CCDC91: variants seen among roughly 807,000 people sequenced by gnomAD.
CCDC91 encodes coiled-coil domain-containing protein 91.
A neutral mutation model predicts 63.2 loss-of-function variants in CCDC91; 48 were observed. That is an observed-to-expected ratio of 0.76 (90% CI 0.60 to 0.97). The LOEUF (loss-of-function observed/expected upper bound fraction) is 0.97, where lower values mean the gene tolerates loss of function less well. Among genes scored for constraint, CCDC91 ranks in the 50% least tolerant of loss-of-function variants. The pLI, the probability that CCDC91 is intolerant of heterozygous loss-of-function variation, is 0.00. For synonymous variants in CCDC91, 167 were observed against 165.8 expected, an observed-to-expected ratio of 1.01 and a Z score of -0.06; for missense variants, 500 against 494.6, an observed-to-expected ratio of 1.01 and a Z score of -0.10.
chr12:28,370,770 T>C (rs749368276), intron 7 of CCDC91, among the ~76,000 whole-genome samples: 9 of 152,124 alleles, frequency 5.9e-5, no homozygotes, highest in Non-Finnish European at 1.3e-4. Flanking sequence ...AGAAAACTTA[T>C]AATCGTGGCA....
chr12:28,252,494 T>G (rs756949794), intron 1 of CCDC91, among the ~76,000 whole-genome samples: 4 of 151,990 alleles, frequency 2.6e-5, no homozygotes, highest in Admixed American at 2.6e-4. Context: ...AAAGAAAATT[T>G]CCTTAATTTT....
intron 8 of CCDC91, among the ~76,000 whole-genome samples, chr12:28,397,353 G>C (rs1047254929): frequency 1.5e-4 from 23 of 152,196 alleles, no homozygotes; most frequent in Non-Finnish European, 3.1e-4. Context: ...TCTTTGAGGA[G>C]CTTAGATGAT....
intron 3 of CCDC91, among the ~76,000 whole-genome samples, chr12:28,290,147 T>A (rs1180216209): frequency 6.6e-6 from 1 of 152,160 alleles, no homozygotes; most frequent in Non-Finnish European, 1.5e-5. Flanking sequence ...AGTCTAAGGC[T>A]CTTTGAAGGT....
At chr12:28,479,436 G>T (rs1412991642) in intron 11 of CCDC91, among the ~76,000 whole-genome samples, 1 of 152,000 alleles carries the variant, frequency 6.6e-6, no homozygotes, top group African/African-American at 2.4e-5. Context: ...GACACATGAT[G>T]GGGATCATCA....
chr12:28,520,587 T>TTG, intron 12 of CCDC91, among the ~76,000 whole-genome samples: 1 of 152,314 alleles, frequency 6.6e-6, no homozygotes, highest in East Asian at 1.9e-4. Flanking sequence ...TAGATCCCAT[T>TTG]TGTCAATTTT....
intron 12 of CCDC91, among the ~76,000 whole-genome samples, chr12:28,542,443 G>A (rs1942695681): frequency 6.6e-6 from 1 of 152,020 alleles, no homozygotes. Flanking sequence ...TAAATAGATA[G>A]ATGTGGAATA....
At chr12:28,256,815 C>A (rs1946490208) in intron 1 of CCDC91, 1 of 158,120 alleles carries the variant, frequency 6.3e-6, no homozygotes, top group Admixed American at 6.5e-5. Flanking sequence ...GGACAGATTT[C>A]CAAAAACTCA....
intron 8 of CCDC91, among the ~76,000 whole-genome samples, chr12:28,405,311 T>A (rs1011238058): frequency 6.6e-6 from 1 of 152,096 alleles, no homozygotes; most frequent in African/African-American, 2.4e-5. Flanking sequence ...GTATTCCAAG[T>A]TTTTTTATCC....
intron 8 of CCDC91, among the ~76,000 whole-genome samples, chr12:28,405,064 G>C (rs533838811): frequency 6.6e-6 from 1 of 150,730 alleles, no homozygotes; most frequent in Admixed American, 6.6e-5. Flanking sequence ...TCTATTTGTT[G>C]CTCTTTTTTT....
At chr12:28,491,861 TTGTGTGTGTG>T (rs35451448) in intron 12 of CCDC91, among the ~76,000 whole-genome samples, 1,811 of 145,244 alleles carry the variant, frequency 0.012, 42 homozygotes, top group African/African-American at 0.043. Flanking sequence ...GTCAAAAATT[TTGTGTGTGTG>T]TGTGTGTGTG....
intron 6 of CCDC91, among the ~76,000 whole-genome samples, chr12:28,315,453 C>A: frequency 6.6e-6 from 1 of 151,980 alleles, no homozygotes; most frequent in Admixed American, 6.6e-5. Context: ...GGCATGAGCA[C>A]CATACCTGAC....
chr12:28,263,179 C>T (rs1325361997), intron 3 of CCDC91, among the ~76,000 whole-genome samples: 1 of 151,958 alleles, frequency 6.6e-6, no homozygotes, highest in Admixed American at 6.6e-5. Context: ...TTTGAGTTTA[C>T]CGTTCTTTTA....
intron 12 of CCDC91, among the ~76,000 whole-genome samples, chr12:28,505,768 T>C (rs1938633827): frequency 6.6e-6 from 1 of 151,988 alleles, no homozygotes; most frequent in Admixed American, 6.6e-5. Flanking sequence ...AGATCTCAGG[T>C]GAGCCTATAG....
At chr12:28,455,439 C>G (rs1950012761) in intron 11 of CCDC91, among the ~76,000 whole-genome samples, 1 of 152,066 alleles carries the variant, frequency 6.6e-6, no homozygotes, top group Admixed American at 6.6e-5. Context: ...GAAATACTGC[C>G]TCTTCATTCT....
chr12:28,339,661 A>G (rs773599086), intron 6 of CCDC91, among the ~76,000 whole-genome samples: 7 of 152,200 alleles, frequency 4.6e-5, no homozygotes, highest in Non-Finnish European at 8.8e-5. Flanking sequence ...TGTAAATACC[A>G]TGCCATTTTA....
At chr12:28,207,945 G>A (rs1406799028) in intron 1 of CCDC91, among the ~76,000 whole-genome samples, 2 of 152,186 alleles carry the variant, frequency 1.3e-5, no homozygotes, top group African/African-American at 4.8e-5. Context: ...TTCAAATTGT[G>A]TATCTAAATA....
At chr12:28,425,435 G>T (rs1948257787) in intron 8 of CCDC91, among the ~76,000 whole-genome samples, 1 of 151,958 alleles carries the variant, frequency 6.6e-6, no homozygotes, top group African/African-American at 2.4e-5. Flanking sequence ...CTATAAAACT[G>T]CCAGAGCCTT....
chr12:28,516,401 A>C (rs1472642360), intron 12 of CCDC91, among the ~76,000 whole-genome samples: 1 of 151,846 alleles, frequency 6.6e-6, no homozygotes, highest in African/African-American at 2.4e-5. Context: ...CCAGGAATTC[A>C]AGACTAGCCT....
intron 11 of CCDC91, among the ~76,000 whole-genome samples, chr12:28,474,617 A>G (rs967797606): frequency 1.3e-5 from 2 of 152,104 alleles, no homozygotes; most frequent in Non-Finnish European, 2.9e-5. Context: ...TAAAGAGGGA[A>G]GATAGGGGGA....
Sources: gnomAD v4.1 joint callset for allele counts (sites outside exome capture counted in the v4.1 genomes callset) on GRCh38, gnomAD v4.1.1 for gene constraint, MANE v1.5 for transcripts, NCBI Gene and HGNC (gene_info 2026-07-23, HGNC 2026-07-21) for gene names.